Variants in EFCAB8 observed in about 807,000 individuals in gnomAD.
The protein encoded by EFCAB8 is EF-hand calcium binding domain 8.
In EFCAB8, 100 loss-of-function variants were observed where a neutral mutation model predicts 116.3. The ratio of observed to expected loss-of-function variants is 0.86; its 90% CI spans 0.73 to 1.02. The LOEUF is 1.02. EFCAB8 is among the 50% of genes least tolerant of loss of function. The probability of loss-of-function intolerance (pLI) is 0.00; values close to 1 mark genes in which losing one functional copy is unlikely to be tolerated. For missense variants in EFCAB8, 1,320 were observed against 1,416.9 expected, an observed-to-expected ratio of 0.93 and a Z score of 1.10; for synonymous variants, 558 against 567.9, an observed-to-expected ratio of 0.98 and a Z score of 0.25.
chr20:32,899,466 A>G (rs539632943), intron 11 of EFCAB8, among the ~76,000 whole-genome samples: 1 of 151,970 alleles, frequency 6.6e-6, no homozygotes, highest in South Asian at 2.1e-4. Context: ...TGCATTGTCC[A>G]TGTAAAAAAT....
At chr20:32,937,554 T>G (rs1988168457) in intron 22 of EFCAB8, among the ~76,000 whole-genome samples, 1 of 152,210 alleles carries the variant, frequency 6.6e-6, no homozygotes, top group South Asian at 2.1e-4. Context: ...AGTAATAAAA[T>G]TTCCCACAAA....
At chr20:32,959,742 G>C in intron 24 of EFCAB8, 36 bp from the exon 25 acceptor site, 1 of 1,419,830 alleles carries the variant, frequency 7.0e-7, no homozygotes, top group Non-Finnish European at 9.4e-7. Context: ...GCTTTGCAGT[G>C]GGGGGACATC....
chr20:32,863,764 CTA>C lies in EFCAB8; in HGVS notation c.-10-17_-10-16del. ...CTTACAACGACTGGAGTTAAGTTGA[CTA>C]TGATTCCCTATTCTAGGTCAAGGCT... On this transcript the variant is annotated splice_polypyrimidine_tract_variant and intron_variant, in intron 1 of 26. Transcript: ENST00000400522. The C allele has an allele frequency of 4.5e-6, 7 of 1,549,374 alleles. No individual in the cohort carries two copies. Among genetic ancestry groups the C allele is most frequent in the Non-Finnish European group, 6.1e-6 (7 of 1,146,294 alleles).
intron 23 of EFCAB8, among the ~76,000 whole-genome samples, chr20:32,948,580 G>GAAAGA (rs1036701315): frequency 7.4e-6 from 1 of 135,534 alleles, no homozygotes; most frequent in African/African-American, 2.8e-5. Context: ...AAGAAAGAAA[G>GAAAGA]AAAAGAAAGG....
At chr20:32,944,202 C>T (rs1009218116) in intron 23 of EFCAB8, among the ~76,000 whole-genome samples, 8 of 152,098 alleles carry the variant, frequency 5.3e-5, no homozygotes, top group African/African-American at 9.7e-5. Flanking sequence ...GGGCCAGGCG[C>T]GGTGGCTCAC....
chr20:32,927,595 TTG>T (rs1211927202), intron 20 of EFCAB8, among the ~76,000 whole-genome samples: 1 of 152,210 alleles, frequency 6.6e-6, no homozygotes, highest in Non-Finnish European at 1.5e-5. Context: ...TCCACCCGCC[TTG>T]GCTTCCCAAA....
intron 3 of EFCAB8, among the ~76,000 whole-genome samples, chr20:32,874,515 T>C (rs1376454282): frequency 6.6e-6 from 1 of 152,100 alleles, no homozygotes; most frequent in African/African-American, 2.4e-5. Flanking sequence ...TGAGCCACTG[T>C]GCCTGGCCTT....
At chr20:32,874,859 G>A (rs1187226360) in intron 3 of EFCAB8, among the ~76,000 whole-genome samples, 2 of 152,264 alleles carry the variant, frequency 1.3e-5, no homozygotes, top group Non-Finnish European at 2.9e-5. Flanking sequence ...CGATTCTCCT[G>A]CCTCAACCTC....
chr20:32,880,186 T>A (rs4911269), intron 5 of EFCAB8, among the ~76,000 whole-genome samples: 97,955 of 151,808 alleles, frequency 0.65, 32,070 homozygotes, highest in Middle Eastern at 0.76. Context: ...CACGGGGAAG[T>A]CAAAGAGCTG....
Position 32,889,421 on chromosome 20 carries a change from G to C in EFCAB8, c.673+15G>C. On this transcript the variant is annotated intron_variant, in intron 7 of 26. Transcript: ENST00000400522. ...GCAAAAGATAGGTGAGTCCCTGGGG[G>C]CTTCCCAGCTCTGCTCTCAGCCACT... 6.5e-7 allele frequency: 1 copy of C among 1,549,780 alleles called. No individual in the cohort carries two copies. Among genetic ancestry groups the C allele is most frequent in the Non-Finnish European group, 8.7e-7 (1 of 1,145,216 alleles).
At position 32,878,799 on chromosome 20, in the gene EFCAB8, C is replaced by T. The variant is rs541607359; in HGVS notation, c.423C>T (p.Val141=). 18 of 1,552,086 alleles carry T rather than the reference C, an allele frequency of 1.2e-5. No homozygotes were observed. The highest frequency in any genetic ancestry group is 2.0e-5 in the Admixed American group (1 of 51,002). ...YRLHFYLPMT[V]VPLNHGCEVV... is the part of the protein sequence containing the mutation. ...TGCACTTCTACCTTCCCATGACGGT[C>T]GTCCCCCTGTAAGGAGCCTCTTCCT... The change falls in exon 5 of 27, where the codon GTC becomes GTT. Residue 141 remains valine, a synonymous_variant. Coordinates refer to ENST00000400522, the MANE Select transcript of EFCAB8 (RefSeq NM_001143967.2).
At chr20:32,898,289 TTCAGTGACGAGAGATGG>T in intron 10 of EFCAB8, 187 bp from the exon 11 acceptor site, 2 of 496,752 alleles carry the variant, frequency 4.0e-6, no homozygotes, top group South Asian at 7.5e-5. Flanking sequence ...TTTAAAAATT[TTCAGTGACGAGAGATGG>T]CCAGTGCTGG....
intron 4 of EFCAB8, among the ~76,000 whole-genome samples, 171 bp from the exon 5 acceptor site, chr20:32,878,533 C>T (rs1345087922): frequency 2.6e-4 from 31 of 120,828 alleles, no homozygotes; most frequent in Non-Finnish European, 5.2e-4. Flanking sequence ...TTTTTTGAGA[C>T]GGAGTCTCGC....
chr20:32,952,460 T>C (rs1265025773), intron 23 of EFCAB8, among the ~76,000 whole-genome samples: 1 of 152,262 alleles, frequency 6.6e-6, no homozygotes, highest in East Asian at 1.9e-4. Flanking sequence ...ATTTAAATTT[T>C]GCATGGAGAT....
intron 3 of EFCAB8, among the ~76,000 whole-genome samples, chr20:32,871,916 C>T (rs1984701259): frequency 6.6e-6 from 1 of 152,000 alleles, no homozygotes. Context: ...GTTTTGAAAG[C>T]ACACAAAGGC....
intron 1 of EFCAB8, 54 bp from the exon 2 acceptor site, chr20:32,863,729 C>T: frequency 1.3e-6 from 2 of 1,525,500 alleles, no homozygotes; most frequent in East Asian, 2.5e-5. Context: ...AGTCAGCCTT[C>T]CACGTGGTCC....
In EFCAB8 at chr20:32,876,019, C is replaced by T. The variant is rs1057099628; in HGVS notation, c.302C>T (p.Ser101Leu). The T allele has an allele frequency of 6.4e-6, 10 of 1,552,030 alleles. No homozygotes were observed. The highest frequency in any genetic ancestry group is 2.7e-5 in the African/African-American group (2 of 73,038). Residue 101 changes from serine to leucine, a missense_variant, in exon 4 of 27, where the codon TCG (serine) becomes TTG (leucine). Transcript: ENST00000400522. ...AAGGAGCTGTTTTTGAAGGTGGACT[C>T]GGACTGTGAAGGCTTTGTCACCTGG... ...MLKELFLKVD[S>L]DCEGFVTWQK...
At chr20:32,937,798 T>C (rs1445981886) in intron 22 of EFCAB8, among the ~76,000 whole-genome samples, 1 of 149,258 alleles carries the variant, frequency 6.7e-6, no homozygotes, top group Non-Finnish European at 1.5e-5. Flanking sequence ...TTTGTATTTT[T>C]AGTAGAGACA....
Position 32,920,235 on chromosome 20 carries a change from G to A in EFCAB8, c.2412+20G>A. On this transcript the variant is annotated intron_variant, in intron 20 of 26. Coordinates refer to ENST00000400522, the MANE Select transcript of EFCAB8 (RefSeq NM_001143967.2). ...GAGAAGGTTGGCCGTGATCAGCCAG[G>A]GAGAGGGATATGAGCTGGGGAGTGG... 1 of 1,551,402 alleles carries A rather than the reference G, an allele frequency of 6.4e-7. No individual in the cohort carries two copies.
Sources: gnomAD v4.1 joint callset for allele counts (sites outside exome capture counted in the v4.1 genomes callset) on GRCh38, gnomAD v4.1.1 for gene constraint, MANE v1.5 for transcripts, NCBI Gene and HGNC (gene_info 2026-07-23, HGNC 2026-07-21) for gene names.